CTNNA2: variants seen among roughly 807,000 people sequenced by gnomAD.
The protein encoded by CTNNA2 is catenin alpha 2.
A neutral mutation model predicts 101.0 loss-of-function variants in CTNNA2; 42 were observed. That is an observed-to-expected ratio of 0.42 (90% CI 0.32 to 0.54). The LOEUF is 0.54. Among genes scored for constraint, CTNNA2 ranks in the 20% least tolerant of loss-of-function variants. CTNNA2 has a pLI of 0.14. For missense variants in CTNNA2, 871 were observed against 1,223.1 expected (o/e 0.71, Z 4.29); for synonymous variants, 450 against 456.4 (o/e 0.99, Z 0.18).
intron 7 of CTNNA2, among the ~76,000 whole-genome samples, chr2:80,197,413 A>G (rs1228211398): frequency 6.6e-6 from 1 of 152,174 alleles, no homozygotes; most frequent in Non-Finnish European, 1.5e-5. Context: ...GTCACATCTT[A>G]TGTACCAAGA....
intron 3 of CTNNA2, among the ~76,000 whole-genome samples, chr2:79,785,126 T>C (rs1001288603): frequency 2.2e-4 from 33 of 152,326 alleles, no homozygotes; most frequent in African/African-American, 7.9e-4. Context: ...TCTGCCACCA[T>C]GCTCTCCTCA....
intron 15 of CTNNA2, among the ~76,000 whole-genome samples, chr2:80,597,764 A>G (rs1269096560): frequency 2.0e-5 from 3 of 152,218 alleles, no homozygotes; most frequent in Non-Finnish European, 4.4e-5. Flanking sequence ...CAAAACCACA[A>G]TGAGATACCA....
chr2:80,378,073 G>A (rs1676134953), intron 7 of CTNNA2, among the ~76,000 whole-genome samples: 6 of 151,922 alleles, frequency 3.9e-5, no homozygotes, highest in Admixed American at 3.3e-4. Context: ...GCAGAGAAGG[G>A]GGCCAGGCGC....
intron 2 of CTNNA2, among the ~76,000 whole-genome samples, chr2:79,255,590 C>A (rs572706469): frequency 4.6e-5 from 7 of 152,124 alleles, no homozygotes; most frequent in African/African-American, 1.7e-4. Context: ...GTGGAAGAAT[C>A]AGGGGATTGA....
intron 4 of CTNNA2, among the ~76,000 whole-genome samples, chr2:79,428,246 T>C (rs572835982): frequency 6.6e-6 from 1 of 152,244 alleles, no homozygotes; most frequent in South Asian, 2.1e-4. Context: ...CAAGGAGCAG[T>C]TTCCTTCTTG....
chr2:80,586,452 T>C (rs1175375163), intron 14 of CTNNA2: 3 of 152,202 alleles, frequency 2.0e-5, no homozygotes, highest in African/African-American at 7.2e-5. Context: ...GATGCTGGTT[T>C]AGGACCTGTG....
intron 9 of CTNNA2, among the ~76,000 whole-genome samples, chr2:80,479,335 A>C (rs970181796): frequency 2.0e-5 from 3 of 152,078 alleles, no homozygotes; most frequent in Admixed American, 1.3e-4. Flanking sequence ...ATGAAAAGGA[A>C]GAGATGCTAC....
intron 7 of CTNNA2, among the ~76,000 whole-genome samples, chr2:80,015,433 C>T (rs996034848): frequency 6.6e-6 from 1 of 152,168 alleles, no homozygotes; most frequent in African/African-American, 2.4e-5. Flanking sequence ...CTGATCCTAA[C>T]ACCATGAAAG....
chr2:80,436,658 C>T (rs1235052008), intron 9 of CTNNA2, among the ~76,000 whole-genome samples: 1 of 152,024 alleles, frequency 6.6e-6, no homozygotes, highest in African/African-American at 2.4e-5. Flanking sequence ...GCTGGGAGGT[C>T]CAAGATCGAG....
intron 7 of CTNNA2, among the ~76,000 whole-genome samples, chr2:80,043,259 G>A (rs570921880): frequency 7.3e-6 from 1 of 137,780 alleles, no homozygotes; most frequent in Non-Finnish European, 1.5e-5. Flanking sequence ...GTGCAGTCAC[G>A]CGATCTTGGC....
At chr2:80,393,355 T>C (rs1439529926) in intron 8 of CTNNA2, 64 bp downstream of exon 8, 1 of 1,163,224 alleles carries the variant, frequency 8.6e-7, no homozygotes, top group Admixed American at 2.1e-5. Context: ...CAATATCCTT[T>C]TCCAGGGTGT....
chr2:79,428,130 C>G (rs1308488956), intron 4 of CTNNA2, among the ~76,000 whole-genome samples: 3 of 151,924 alleles, frequency 2.0e-5, no homozygotes, highest in African/African-American at 7.3e-5. Context: ...CTTCAAAACA[C>G]CAAGGACCAT....
At chr2:79,290,615 G>T (rs369320825) in intron 2 of CTNNA2, among the ~76,000 whole-genome samples, 1 of 152,056 alleles carries the variant, frequency 6.6e-6, no homozygotes, top group Non-Finnish European at 1.5e-5. Flanking sequence ...GCTGGACATC[G>T]AGAGGAATGC....
chr2:79,927,928 G>A (rs1360373667), intron 7 of CTNNA2, among the ~76,000 whole-genome samples: 1 of 152,022 alleles, frequency 6.6e-6, no homozygotes, highest in South Asian at 2.1e-4. Context: ...TGCCTCTTTG[G>A]TGGTCATTTT....
At chr2:79,252,493 G>A (rs1203493060) in intron 2 of CTNNA2, among the ~76,000 whole-genome samples, 1 of 151,940 alleles carries the variant, frequency 6.6e-6, no homozygotes, top group East Asian at 1.9e-4. Context: ...TATTTTTAAT[G>A]TACAATGTAT....
chr2:80,375,695 G>A (rs1675885822), intron 7 of CTNNA2, among the ~76,000 whole-genome samples: 1 of 150,592 alleles, frequency 6.6e-6, no homozygotes, highest in Non-Finnish European at 1.5e-5. Context: ...CTCCCAAGTA[G>A]CTGGGACTAC....
chr2:80,273,074 ACT>A (rs1319641181), intron 7 of CTNNA2, among the ~76,000 whole-genome samples: 2 of 152,128 alleles, frequency 1.3e-5, no homozygotes, highest in Non-Finnish European at 2.9e-5. Context: ...TGTTCCCTGT[ACT>A]CACACGCCTG....
intron 9 of CTNNA2, among the ~76,000 whole-genome samples, chr2:80,429,234 T>C (rs1681264140): frequency 6.6e-6 from 1 of 152,170 alleles, no homozygotes; most frequent in South Asian, 2.1e-4. Context: ...TCTTAATAAC[T>C]ATTTAGATAT....
At position 79,412,922 on chromosome 2, in the gene CTNNA2, C is replaced by G. The variant is rs184691708; in HGVS notation, c.-135+38909C>G. Among the ~76,000 whole-genome samples, 42 of 152,182 alleles carry G rather than the reference C, an allele frequency of 2.8e-4. No homozygotes were observed. In the East Asian group the frequency reaches 2.9e-3, roughly 11 times the overall value. ...TTCCATTTAGGTGGTTACTTTAGGT[C>G]AACCACTCTTTTAGTAAATTTTATT... On this transcript the variant is annotated intron_variant, in intron 4 of 21. Coordinates refer to the CTNNA2 transcript ENST00000466387.
Sources: allele counts gnomAD v4.1 joint callset (sites outside exome capture counted in the v4.1 genomes callset), GRCh38; gene constraint gnomAD v4.1.1; transcripts MANE v1.5; gene names NCBI Gene and HGNC (gene_info 2026-07-23, HGNC 2026-07-21).